C8orf34: variants seen among roughly 807,000 people sequenced by gnomAD.
C8orf34 encodes the protein uncharacterized protein C8orf34.
Under a neutral mutation model 68.3 loss-of-function variants are expected in C8orf34, and 65 were observed. That is an observed-to-expected ratio of 0.95 (90% CI 0.78 to 1.17). C8orf34 has a LOEUF of 1.17. Among genes scored for constraint, C8orf34 ranks in the 50% most tolerant of loss-of-function variants. C8orf34 has a pLI of 0.00. For synonymous variants in C8orf34, 244 were observed against 241.2 expected (o/e 1.01, Z -0.11); for missense variants, 664 against 655.4 (o/e 1.01, Z -0.14).
intron 10 of C8orf34, among the ~76,000 whole-genome samples, chr8:68,746,243 G>T (rs1023018815): frequency 6.0e-5 from 9 of 151,224 alleles, no homozygotes; most frequent in South Asian, 4.2e-4. Context: ...GCAGTGTGTA[G>T]AGGGAAATTT....
At chr8:68,407,478 CTG>C (rs1243608651) in intron 1 of C8orf34, among the ~76,000 whole-genome samples, 11 of 152,172 alleles carry the variant, frequency 7.2e-5, no homozygotes, top group Admixed American at 6.5e-4. Context: ...TCTTTTTACT[CTG>C]TAGGTAGCAT....
chr8:68,669,579 A>G (rs1403736786), intron 8 of C8orf34, among the ~76,000 whole-genome samples: 1 of 152,238 alleles, frequency 6.6e-6, no homozygotes, highest in Non-Finnish European at 1.5e-5. Flanking sequence ...GAAAACAATA[A>G]TATTGGGCAT....
intron 12 of C8orf34, among the ~76,000 whole-genome samples, chr8:68,800,489 T>G (rs561857193): frequency 8.0e-4 from 122 of 152,342 alleles, no homozygotes; most frequent in Non-Finnish European, 1.5e-3. Flanking sequence ...AAAACTTTGC[T>G]TTTACTGAGT....
chr8:68,427,712 T>G (rs1413153026), intron 1 of C8orf34, among the ~76,000 whole-genome samples: 1 of 152,018 alleles, frequency 6.6e-6, no homozygotes, highest in Non-Finnish European at 1.5e-5. Flanking sequence ...GAAATCTGAA[T>G]AAGCTCTACA....
chr8:68,672,331 G>A (rs1374212987), intron 8 of C8orf34, among the ~76,000 whole-genome samples: 1 of 152,174 alleles, frequency 6.6e-6, no homozygotes, highest in Non-Finnish European at 1.5e-5. Flanking sequence ...ACAGTACCTG[G>A]TTTTAACTTC....
intron 7 of C8orf34, among the ~76,000 whole-genome samples, chr8:68,589,388 G>A (rs907729091): frequency 6.6e-5 from 10 of 151,102 alleles, no homozygotes; most frequent in Non-Finnish European, 1.0e-4. Context: ...AAAGAAAGAG[G>A]GGAAGGAAGG....
chr8:68,550,109 A>G (rs1816016250), intron 7 of C8orf34, among the ~76,000 whole-genome samples: 1 of 151,794 alleles, frequency 6.6e-6, no homozygotes, highest in South Asian at 2.1e-4. Context: ...AACTGGATTA[A>G]TATCTACCAT....
intron 7 of C8orf34, among the ~76,000 whole-genome samples, chr8:68,591,753 C>T (rs868504604): frequency 6.6e-6 from 1 of 152,096 alleles, no homozygotes; most frequent in Non-Finnish European, 1.5e-5. Context: ...TTGTGATATT[C>T]TCACTAACTT....
At chr8:68,584,299 G>GA (rs960524257) in intron 7 of C8orf34, among the ~76,000 whole-genome samples, 14 of 150,846 alleles carry the variant, frequency 9.3e-5, no homozygotes, top group East Asian at 2.0e-4. Flanking sequence ...CGTTCTCTGA[G>GA]AAAAAAAAAG....
At chr8:68,657,353 T>C (rs1819538522) in intron 8 of C8orf34, among the ~76,000 whole-genome samples, 1 of 152,104 alleles carries the variant, frequency 6.6e-6, no homozygotes, top group Non-Finnish European at 1.5e-5. Flanking sequence ...CTCTCATGCA[T>C]GGAATTAGTG....
intron 7 of C8orf34, among the ~76,000 whole-genome samples, chr8:68,565,686 T>C (rs1186264266): frequency 6.6e-6 from 1 of 152,186 alleles, no homozygotes; most frequent in Non-Finnish European, 1.5e-5. Flanking sequence ...AAATTCATCA[T>C]AACGTTGCTT....
At chr8:68,472,713 A>C (rs936806143) in intron 4 of C8orf34, among the ~76,000 whole-genome samples, 1 of 152,222 alleles carries the variant, frequency 6.6e-6, no homozygotes, top group African/African-American at 2.4e-5. Context: ...TAAAAAAGGC[A>C]AAAGGAAACG....
At chr8:68,358,689 A>G (rs1806852083) in intron 1 of C8orf34, among the ~76,000 whole-genome samples, 1 of 150,542 alleles carries the variant, frequency 6.6e-6, no homozygotes, top group African/African-American at 2.5e-5. Context: ...GTTTATTAAC[A>G]GATTGATTTA....
At chr8:68,435,193 A>G (rs2252535) in intron 1 of C8orf34, among the ~76,000 whole-genome samples, 1 of 148,208 alleles carries the variant, frequency 6.7e-6, no homozygotes, top group Non-Finnish European at 1.5e-5. Context: ...ATATATAATA[A>G]AAATATATAA....
In C8orf34 at chr8:68,382,193, C is replaced by T. The variant is rs907553571; in HGVS notation, c.327+50854C>T. 7.9e-5 allele frequency among the ~76,000 whole-genome samples: 12 copies of T among 152,178 alleles called. No individual in the cohort carries two copies. The South Asian group carries it at 1.4e-3, about 18-fold the overall frequency. On this transcript the variant is annotated intron_variant, in intron 1 of 13. Coordinates refer to ENST00000518698, the MANE Select transcript of C8orf34 (RefSeq NM_052958.4). ...TAACCATTGTAGTGGTGGATAAATA[C>T]GTAGATCTGATTACTTCCTAGTAAT...
chr8:68,661,827 A>G (rs1819689029), intron 8 of C8orf34, among the ~76,000 whole-genome samples: 1 of 152,204 alleles, frequency 6.6e-6, no homozygotes, highest in Non-Finnish European at 1.5e-5. Flanking sequence ...GTCTGCCTAA[A>G]GCAAGCTGGC....
intron 10 of C8orf34, among the ~76,000 whole-genome samples, chr8:68,753,359 T>G (rs1001137115): frequency 3.3e-5 from 5 of 152,002 alleles, no homozygotes; most frequent in Non-Finnish European, 7.4e-5. Context: ...AGAAAAAAAG[T>G]GGAAAGTGAA....
chr8:68,698,625 C>G (rs897346125), intron 8 of C8orf34, among the ~76,000 whole-genome samples: 1 of 151,996 alleles, frequency 6.6e-6, no homozygotes, highest in African/African-American at 2.4e-5. Context: ...CAGGTTTTGG[C>G]GATTTTTCAA....
At chr8:68,564,945 A>G (rs1026333237) in intron 7 of C8orf34, among the ~76,000 whole-genome samples, 6 of 152,196 alleles carry the variant, frequency 3.9e-5, no homozygotes, top group South Asian at 2.1e-4. Flanking sequence ...TCTGCTGTGC[A>G]TATACTCTTG....
Sources: allele counts gnomAD v4.1 joint callset (sites outside exome capture counted in the v4.1 genomes callset), GRCh38; gene constraint gnomAD v4.1.1; transcripts MANE v1.5; gene names NCBI Gene and HGNC (gene_info 2026-07-23, HGNC 2026-07-21).